Variants in CCSER1 observed in about 807,000 individuals in gnomAD.
CCSER1 encodes coiled-coil serine rich protein 1.
Under a neutral mutation model 82.0 loss-of-function variants are expected in CCSER1, and 41 were observed. The observed-to-expected ratio is 0.50, with a 90% CI of 0.39 to 0.65. The LOEUF (loss-of-function observed/expected upper bound fraction) is 0.65, where lower values mean the gene tolerates loss of function less well. CCSER1 is among the 30% of genes least tolerant of loss of function. The pLI, the probability that CCSER1 is intolerant of heterozygous loss-of-function variation, is 0.00. For missense variants in CCSER1, 1,119 were observed against 1,064.2 expected (o/e 1.05, Z -0.72); for synonymous variants, 414 against 383.9 (o/e 1.08, Z -0.92).
At chr4:90,364,943 T>C (rs981055056) in intron 3 of CCSER1, among the ~76,000 whole-genome samples, 3 of 151,920 alleles carry the variant, frequency 2.0e-5, no homozygotes, top group African/African-American at 7.2e-5. Context: ...CAGTATTTCA[T>C]GGTGTGATAA....
chr4:90,883,555 G>T (rs879431129), intron 8 of CCSER1, among the ~76,000 whole-genome samples: 2 of 150,672 alleles, frequency 1.3e-5, no homozygotes. Flanking sequence ...TTTTTAGGTC[G>T]AATGAATGGC....
At position 91,143,554 on chromosome 4, in the gene CCSER1, C is replaced by T. The variant is rs76045320; in HGVS notation, c.2217+57560C>T. ...ATGTGAGTGGGCATCTTTGTCTTAT[C>T]CCAGGGGGAATGCCTCTAGCTTTTG... is the stretch of plus-strand genomic sequence containing the variant. On this transcript the variant is annotated intron_variant, in intron 10 of 10. Transcript: ENST00000509176. Among the ~76,000 whole-genome samples, 715 of 151,770 alleles carry T rather than the reference C, an allele frequency of 4.7e-3. 6 individuals carry two copies. The highest frequency in any genetic ancestry group is 0.016 in the African/African-American group (671 of 41,512).
intron 5 of CCSER1, among the ~76,000 whole-genome samples, chr4:90,622,537 C>T (rs968258537): frequency 2.6e-5 from 4 of 151,986 alleles, no homozygotes; most frequent in East Asian, 1.9e-4. Flanking sequence ...TTTGTCCTTG[C>T]GATAGTTTGC....
intron 8 of CCSER1, among the ~76,000 whole-genome samples, chr4:90,880,258 C>T (rs1721099036): frequency 6.6e-6 from 1 of 152,110 alleles, no homozygotes; most frequent in African/African-American, 2.4e-5. Flanking sequence ...CTGGAAACAC[C>T]AGAGGAAGGA....
intron 7 of CCSER1, among the ~76,000 whole-genome samples, chr4:90,748,846 T>C (rs1748023974): frequency 6.7e-6 from 1 of 150,006 alleles, no homozygotes; most frequent in Non-Finnish European, 1.5e-5. Context: ...TTTTGAGAAG[T>C]GTCTGTTCAT....
At chr4:91,589,047 T>G (rs928353154) in intron 10 of CCSER1, among the ~76,000 whole-genome samples, 1 of 151,868 alleles carries the variant, frequency 6.6e-6, no homozygotes, top group African/African-American at 2.4e-5. Flanking sequence ...AAATTTGCTA[T>G]GTATTTAGTA....
At position 90,309,008 on chromosome 4, in the gene CCSER1, T is replaced by G; in HGVS notation, c.724T>G (p.Leu242Val). The change falls in exon 2 of 11, where the codon TTA (leucine) becomes GTA (valine). Residue 242 changes from leucine to valine, a missense_variant. Coordinates refer to ENST00000509176, the MANE Select transcript of CCSER1 (RefSeq NM_001145065.2). ...VDVTERAGSS[L>V]QSPLLSADLT... ...TGTAACAGAACGGGCAGGAAGCTCT[T>G]TACAATCTCCTTTGCTTTCTGCTGA... 6.2e-7 allele frequency: 1 copy of G among 1,613,840 alleles called. No individual in the cohort carries two copies.
intron 5 of CCSER1, among the ~76,000 whole-genome samples, chr4:90,576,167 A>G (rs1001396542): frequency 2.0e-5 from 3 of 151,910 alleles, no homozygotes; most frequent in Non-Finnish European, 4.4e-5. Context: ...ACTTTCTAAG[A>G]GATTTGATTG....
At chr4:91,290,720 G>C (rs1293095083) in intron 10 of CCSER1, among the ~76,000 whole-genome samples, 1 of 151,802 alleles carries the variant, frequency 6.6e-6, no homozygotes, top group Non-Finnish European at 1.5e-5. Flanking sequence ...ATATTCAAAT[G>C]TTTGAACTGT....
chr4:90,749,002 A>C (rs1240062376), intron 7 of CCSER1, among the ~76,000 whole-genome samples: 3 of 150,210 alleles, frequency 2.0e-5, no homozygotes, highest in Non-Finnish European at 3.0e-5. Flanking sequence ...GTTCACTCTG[A>C]TGGTAGTTTC....
At chr4:90,867,417 G>C (rs1350097158) in intron 8 of CCSER1, among the ~76,000 whole-genome samples, 3 of 151,970 alleles carry the variant, frequency 2.0e-5, no homozygotes, top group Non-Finnish European at 4.4e-5. Flanking sequence ...TGGATACGTA[G>C]TTGCTATATA....
chr4:91,574,378 C>T (rs1009154983), intron 10 of CCSER1, among the ~76,000 whole-genome samples: 1 of 152,088 alleles, frequency 6.6e-6, no homozygotes, highest in Admixed American at 6.5e-5. Context: ...CCATTTGACC[C>T]AGCAATCCCA....
intron 8 of CCSER1, among the ~76,000 whole-genome samples, chr4:90,871,362 A>G (rs1316598833): frequency 6.6e-6 from 1 of 151,740 alleles, no homozygotes; most frequent in Non-Finnish European, 1.5e-5. Context: ...AGATGTTGGT[A>G]TGTTGATCCA....
chr4:90,577,015 G>T (rs1780844888), intron 5 of CCSER1, among the ~76,000 whole-genome samples: 1 of 152,000 alleles, frequency 6.6e-6, no homozygotes, highest in African/African-American at 2.4e-5. Context: ...AGTTCCTATT[G>T]TTCCATATCC....
intron 10 of CCSER1, among the ~76,000 whole-genome samples, chr4:91,333,636 C>T (rs891777074): frequency 2.0e-5 from 3 of 151,976 alleles, no homozygotes; most frequent in Admixed American, 2.0e-4. Flanking sequence ...CTGTAATATA[C>T]AATCACAAAT....
At chr4:90,961,147 C>T (rs1266863664) in intron 9 of CCSER1, among the ~76,000 whole-genome samples, 2 of 152,122 alleles carry the variant, frequency 1.3e-5, no homozygotes, top group Non-Finnish European at 2.9e-5. Flanking sequence ...GTGTTATATT[C>T]CCAGACCTCC....
At chr4:91,539,937 G>A (rs55736472) in intron 10 of CCSER1, among the ~76,000 whole-genome samples, 10,549 of 152,028 alleles carry the variant, frequency 0.069, 553 homozygotes, top group South Asian at 0.16. Context: ...AGTTTACTTT[G>A]ATGTGATTCG....
At chr4:91,019,714 T>G (rs546373540) in intron 9 of CCSER1, among the ~76,000 whole-genome samples, 3 of 152,172 alleles carry the variant, frequency 2.0e-5, no homozygotes, top group Admixed American at 2.0e-4. Context: ...GCATATTACA[T>G]GGACTTTAGA....
At chr4:91,071,260 T>C (rs1721399822) in intron 9 of CCSER1, among the ~76,000 whole-genome samples, 1 of 152,182 alleles carries the variant, frequency 6.6e-6, no homozygotes, top group Admixed American at 6.5e-5. Context: ...CATGGAAAGA[T>C]GATAACACAC....
Sources: gnomAD v4.1 joint callset for allele counts (sites outside exome capture counted in the v4.1 genomes callset) on GRCh38, gnomAD v4.1.1 for gene constraint, MANE v1.5 for transcripts, NCBI Gene and HGNC (gene_info 2026-07-23, HGNC 2026-07-21) for gene names.